EPM2A: variants seen among roughly 807,000 people sequenced by gnomAD.
EPM2A encodes the protein EPM2A glucan phosphatase, laforin, also known as laforin.
Under a neutral mutation model 26.5 loss-of-function variants are expected in EPM2A, and 21 were observed. The ratio of observed to expected loss-of-function variants is 0.79; its 90% CI spans 0.56 to 1.14. The LOEUF (loss-of-function observed/expected upper bound fraction) is 1.14. Among genes scored for constraint, EPM2A ranks in the 50% most tolerant of loss-of-function variants. The pLI, the probability that EPM2A is intolerant of heterozygous loss-of-function variation, is 0.00. For missense variants in EPM2A, 458 were observed against 440.8 expected (o/e 1.04, Z -0.35); for synonymous variants, 217 against 177.6 (o/e 1.22, Z -1.76).
At chr6:145,489,996 G>A (rs911791660) in intron 4 of EPM2A, 3 of 1,370,978 alleles carry the variant, frequency 2.2e-6, no homozygotes, top group South Asian at 1.3e-5. Flanking sequence ...TCCTGGAGCA[G>A]ATCTGGATGG....
At chr6:145,601,510 AC>A (rs1474807018) in intron 2 of EPM2A, among the ~76,000 whole-genome samples, 2 of 152,230 alleles carry the variant, frequency 1.3e-5, no homozygotes, top group Non-Finnish European at 2.9e-5. Context: ...TTAAAGGATT[AC>A]CAGATATCTA....
chr6:145,457,092 A>T (rs1251450855), intron 4 of EPM2A, among the ~76,000 whole-genome samples: 1 of 152,210 alleles, frequency 6.6e-6, no homozygotes, highest in East Asian at 1.9e-4. Context: ...GCTCACAACA[A>T]CCTGATAGGT....
At chr6:145,441,810 C>T (rs191275262) in intron 4 of EPM2A, among the ~76,000 whole-genome samples, 13 of 152,216 alleles carry the variant, frequency 8.5e-5, no homozygotes, top group Admixed American at 4.6e-4. Flanking sequence ...TGCAGTGAGC[C>T]GAGATTGCAC....
In EPM2A at chr6:145,626,116, C is replaced by T; in HGVS notation, c.*1300G>A. Reference sequence around the variant, plus strand: ...ATATATCACCTTGCACATAGAGGCTCTCAATTAAAAAAACACTTCTCTTTC... The same window carrying T: ...ATATATCACCTTGCACATAGAGGCTTTCAATTAAAAAAACACTTCTCTTTC... On this transcript the variant is annotated 3_prime_UTR_variant, in exon 4 of 4. Coordinates refer to ENST00000367519, the MANE Select transcript of EPM2A (RefSeq NM_005670.4). 1 of 1,030,150 alleles carries T rather than the reference C, an allele frequency of 9.7e-7. No homozygotes were observed. Among genetic ancestry groups the T allele is most frequent in the South Asian group, 4.2e-5 (1 of 23,996 alleles). The allele number at this position is 1,030,150 out of a possible 1,614,324, so 63.8% of individuals were successfully genotyped here. A position where few individuals can be genotyped will look rare whatever the true frequency, so the allele number is the denominator to read the frequency against.
Position 145,626,570 on chromosome 6 carries a change from T to G in EPM2A, c.*846A>C. On this transcript the variant is annotated 3_prime_UTR_variant, in exon 4 of 4. Coordinates refer to ENST00000367519, the MANE Select transcript of EPM2A (RefSeq NM_005670.4). ...GACTATACCCTGAGAAAGACAAAAC[T>G]AAATGCACTACATGATGCTGGGAAA... The G allele has an allele frequency of 4.1e-6, 4 of 985,722 alleles. No individual in the cohort carries two copies. The highest frequency in any genetic ancestry group is 4.8e-6 in the Non-Finnish European group (4 of 829,906). The allele number at this position is 985,722 out of a possible 1,614,324, so 61.1% of individuals were successfully genotyped here.
chr6:145,555,824 T>G (rs1166341083), intron 2 of EPM2A, among the ~76,000 whole-genome samples: 1 of 152,036 alleles, frequency 6.6e-6, no homozygotes, highest in East Asian at 1.9e-4. Context: ...TTCCACACAC[T>G]CCCCCCACCT....
chr6:145,720,999 T>A (rs1775921697), intron 1 of EPM2A: 1 of 151,986 alleles, frequency 6.6e-6, no homozygotes, highest in African/African-American at 2.4e-5. Context: ...CCATTTCTAC[T>A]AAAAAATACA....
intron 2 of EPM2A, among the ~76,000 whole-genome samples, chr6:145,545,601 G>A (rs1004177221): frequency 3.9e-5 from 6 of 152,116 alleles, no homozygotes; most frequent in African/African-American, 1.2e-4. Context: ...AGTCATACCA[G>A]AGAGTTCTTT....
chr6:145,586,672 A>G (rs1781199765), intron 2 of EPM2A, among the ~76,000 whole-genome samples: 1 of 152,200 alleles, frequency 6.6e-6, no homozygotes, highest in Admixed American at 6.5e-5. Context: ...CTTCATTTAG[A>G]TCTTTATGGT....
At chr6:145,512,710 C>CAAAAAA (rs58668403) in intron 2 of EPM2A, among the ~76,000 whole-genome samples, 20 of 22,510 alleles carry the variant, frequency 8.9e-4, no homozygotes, top group South Asian at 2.4e-3. Flanking sequence ...GACTCCATCT[C>CAAAAAA]AAAAAAAAAA....
At position 145,686,271 on chromosome 6, in the gene EPM2A, G is replaced by A. The variant is rs1268896753; in HGVS notation, c.327C>T (p.Cys109=). The change falls in exon 2 of 4, where the codon TGC becomes TGT. Residue 109 remains cysteine (C), a synonymous_variant. Transcript: ENST00000367519. ...CCAAGTTGTTTTCATTGTAAGTACA[G>A]CAACGGTCATGATGAGGTCCATTGC... is the stretch of plus-strand genomic sequence containing the variant. ...WEGNGPHHDR[C]CTYNENNLVD... is the part of the protein sequence containing the mutation. 4 of 1,613,818 alleles carry A rather than the reference G, an allele frequency of 2.5e-6. No homozygotes were observed. The highest frequency in any genetic ancestry group is 3.4e-6 in the Non-Finnish European group (4 of 1,179,798).
chr6:145,397,344 G>A (rs1778419126), intron 4 of EPM2A, among the ~76,000 whole-genome samples: 1 of 152,168 alleles, frequency 6.6e-6, no homozygotes, highest in Non-Finnish European at 1.5e-5. Flanking sequence ...GGGAGGTAGA[G>A]GCAGGAGAAC....
At chr6:145,553,406 C>T (rs545101772) in intron 2 of EPM2A, among the ~76,000 whole-genome samples, 1 of 152,204 alleles carries the variant, frequency 6.6e-6, no homozygotes, top group South Asian at 2.1e-4. Flanking sequence ...TCCTCAGTAG[C>T]GTGGCTAACG....
intron 4 of EPM2A, among the ~76,000 whole-genome samples, chr6:145,474,609 A>T (rs1779519367): frequency 2.0e-5 from 3 of 152,190 alleles, no homozygotes; most frequent in Admixed American, 1.3e-4. Flanking sequence ...AACAAAAGCC[A>T]TTGACAAATG....
At chr6:145,465,178 T>C (rs1325562980) in intron 4 of EPM2A, among the ~76,000 whole-genome samples, 2 of 152,016 alleles carry the variant, frequency 1.3e-5, no homozygotes, top group Non-Finnish European at 1.5e-5. Context: ...TCATTTCTTT[T>C]TATTCTTTTT....
chr6:145,494,505 G>C (rs777284475), intron 4 of EPM2A, among the ~76,000 whole-genome samples: 1 of 151,908 alleles, frequency 6.6e-6, no homozygotes, highest in South Asian at 2.1e-4. Flanking sequence ...TCTGATATTG[G>C]TTATTTCTTG....
chr6:145,407,587 C>A (rs929903987), intron 4 of EPM2A, among the ~76,000 whole-genome samples: 1 of 152,104 alleles, frequency 6.6e-6, no homozygotes, highest in Non-Finnish European at 1.5e-5. Context: ...ATTTAAAATT[C>A]TAGATGTACT....
In EPM2A at chr6:145,441,997, C is replaced by A. The variant is rs146655755; in HGVS notation, c.556-57900G>T. Reference sequence around the variant, plus strand: ...AATCATCTTCCTCAAGTTTAAAGTTCCACAAATCTCTAGGGCAGGGGCAAA... The same window carrying A: ...AATCATCTTCCTCAAGTTTAAAGTTACACAAATCTCTAGGGCAGGGGCAAA... On this transcript the variant is annotated intron_variant, in intron 4 of 4. Transcript: ENST00000638717. Among the ~76,000 whole-genome samples the A allele has an allele frequency of 5.0e-3, 769 of 152,334 alleles. 2 individuals are homozygous for A. The highest frequency in any genetic ancestry group is 7.7e-3 in the Non-Finnish European group (527 of 68,034).
chr6:145,632,131 C>T (rs1240416744), intron 3 of EPM2A: 1 of 152,158 alleles, frequency 6.6e-6, no homozygotes, highest in Admixed American at 6.5e-5. Flanking sequence ...GTGGAAATTA[C>T]TATCCTCATT....
Sources: allele counts gnomAD v4.1 joint callset (sites outside exome capture counted in the v4.1 genomes callset), GRCh38; gene constraint gnomAD v4.1.1; transcripts MANE v1.5; gene names NCBI Gene and HGNC (gene_info 2026-07-23, HGNC 2026-07-21).